PPP1R12B: variants seen among roughly 807,000 people sequenced by gnomAD.
PPP1R12B encodes protein phosphatase 1 regulatory subunit 12B.
A neutral mutation model predicts 126.1 loss-of-function variants in PPP1R12B; 76 were observed. That is an observed-to-expected ratio of 0.60 (90% CI 0.50 to 0.73). The LOEUF is 0.73. Ranked by LOEUF, PPP1R12B falls within the 30% of genes least tolerant of loss-of-function variation. The pLI is 0.00. For synonymous variants in PPP1R12B, 356 were observed against 434.7 expected (o/e 0.82, Z 2.25); for missense variants, 1,052 against 1,205.1 (o/e 0.87, Z 1.88).
intron 13 of PPP1R12B, among the ~76,000 whole-genome samples, chr1:202,450,218 A>G (rs1248161834): frequency 1.3e-5 from 2 of 152,358 alleles, no homozygotes; most frequent in African/African-American, 4.8e-5. Flanking sequence ...TGAGAAGAAT[A>G]CCAGAAAAAG....
intron 1 of PPP1R12B, among the ~76,000 whole-genome samples, chr1:202,367,885 G>A (rs1659517826): frequency 5.9e-5 from 9 of 152,136 alleles, no homozygotes; most frequent in Admixed American, 5.9e-4. Flanking sequence ...CTGGTGGGAA[G>A]TGTGTGGGTC....
intron 1 of PPP1R12B, among the ~76,000 whole-genome samples, chr1:202,357,254 GACAA>G (rs1657282241): frequency 1.3e-5 from 2 of 152,156 alleles, no homozygotes; most frequent in Non-Finnish European, 2.9e-5. Flanking sequence ...GAGAAGAACC[GACAA>G]ACAGTGATAT....
intron 6 of PPP1R12B, 104 bp downstream of exon 6, chr1:202,429,033 A>G (rs1463790695): frequency 8.9e-6 from 8 of 895,760 alleles, no homozygotes; most frequent in Non-Finnish European, 1.3e-5. Flanking sequence ...GTTGAAATGG[A>G]CATATCTGCA....
At chr1:202,552,502 G>T (rs1686429300) in intron 18 of PPP1R12B, among the ~76,000 whole-genome samples, 1 of 152,188 alleles carries the variant, frequency 6.6e-6, no homozygotes, top group Non-Finnish European at 1.5e-5. Context: ...GATTAGGTTT[G>T]CAGTACCTCT....
intron 18 of PPP1R12B, among the ~76,000 whole-genome samples, chr1:202,516,770 T>C (rs1357136534): frequency 6.6e-6 from 1 of 152,212 alleles, no homozygotes; most frequent in Non-Finnish European, 1.5e-5. Flanking sequence ...CTCTCCTTGT[T>C]AAGAATAGAT....
In PPP1R12B at chr1:202,467,294, T is replaced by C. The variant is rs528123855; in HGVS notation, c.1850+18123T>C. On this transcript the variant is annotated intron_variant, in intron 13 of 23. Transcript: ENST00000608999. ...AACGTACAGGTTAGTTACATATGTATACATGTGCCATGTTGGTGTGCTGCA... is the reference window on the plus strand; with the variant it reads ...AACGTACAGGTTAGTTACATATGTACACATGTGCCATGTTGGTGTGCTGCA... Among the ~76,000 whole-genome samples, 150 of 152,000 alleles carry C rather than the reference T, an allele frequency of 9.9e-4. 1 individual carries two copies. The highest frequency in any genetic ancestry group is 1.8e-3 in the Non-Finnish European group (125 of 67,952).
At chr1:202,529,068 A>G (rs1683654933) in intron 18 of PPP1R12B, among the ~76,000 whole-genome samples, 1 of 152,176 alleles carries the variant, frequency 6.6e-6, no homozygotes. Context: ...AGATAAAGGA[A>G]ATGAGAGGGT....
chr1:202,426,055 A>G (rs1669458752), intron 4 of PPP1R12B, among the ~76,000 whole-genome samples: 1 of 152,098 alleles, frequency 6.6e-6, no homozygotes, highest in East Asian at 1.9e-4. Context: ...ACTTGTGATC[A>G]TTTGTTCCGT....
intron 13 of PPP1R12B, among the ~76,000 whole-genome samples, chr1:202,463,551 T>C (rs1558259651): frequency 6.6e-6 from 1 of 152,152 alleles, no homozygotes; most frequent in Non-Finnish European, 1.5e-5. Context: ...CTCATTTACA[T>C]AGGTGAAGGG....
intron 1 of PPP1R12B, among the ~76,000 whole-genome samples, chr1:202,385,001 T>A (rs1202021134): frequency 6.6e-6 from 1 of 152,264 alleles, no homozygotes; most frequent in African/African-American, 2.4e-5. Context: ...AATTCTTTAA[T>A]TGATTATTCT....
chr1:202,480,790 C>T (rs1677247028), intron 13 of PPP1R12B, among the ~76,000 whole-genome samples: 2 of 152,096 alleles, frequency 1.3e-5, no homozygotes, highest in Admixed American at 6.5e-5. Flanking sequence ...TTACAAATGA[C>T]TAATGAAGAT....
intron 18 of PPP1R12B, among the ~76,000 whole-genome samples, chr1:202,532,772 CTG>C (rs1354675051): frequency 1.4e-5 from 2 of 147,912 alleles, no homozygotes; most frequent in Non-Finnish European, 3.0e-5. Flanking sequence ...TGAAAAAACT[CTG>C]TTTTTTTTTT....
chr1:202,500,613 CAG>C (rs1326438310), intron 18 of PPP1R12B, among the ~76,000 whole-genome samples: 1 of 152,062 alleles, frequency 6.6e-6, no homozygotes, highest in Non-Finnish European at 1.5e-5. Context: ...GGTTGGTTAA[CAG>C]ATATAAAATT....
Position 202,348,843 on chromosome 1 carries a change from GC to G in PPP1R12B, c.-7del, listed in dbSNP as rs1655388636. The G allele has an allele frequency of 2.5e-6, 4 of 1,603,654 alleles. No individual in the cohort carries two copies. Among genetic ancestry groups the G allele is most frequent in the Non-Finnish European group, 3.4e-6 (4 of 1,177,144 alleles). On this transcript the variant is annotated 5_prime_UTR_variant, in exon 1 of 24. Coordinates refer to ENST00000608999, the MANE Select transcript of PPP1R12B (RefSeq NM_002481.4). ...GGTAGTTTTGGCAGCAGCTGCCGAG[GC>G]CGGAGCAATGGCGGAACTGGAGCAC... is the stretch of plus-strand genomic sequence containing the variant.
chr1:202,575,110 G>A (rs1187933905), intron 23 of PPP1R12B: 4 of 1,613,844 alleles, frequency 2.5e-6, no homozygotes, highest in South Asian at 1.1e-5. Context: ...GGAGTCCATC[G>A]AGTCCTCGGA....
rs933312808 is a variant in PPP1R12B at position 202,565,362 on chromosome 1, T to G, written c.2757+815T>G. ...GCTGAACTGAAGTAAAAATGATTCTTTAGCAGGAAGGCTTGAAATGAAAAC... is the reference window on the plus strand; with the variant it reads ...GCTGAACTGAAGTAAAAATGATTCTGTAGCAGGAAGGCTTGAAATGAAAAC... On this transcript the variant is annotated intron_variant, in intron 21 of 23. Transcript: ENST00000608999. The surrounding 1 kb of genome is among the most constrained non-coding windows in gnomAD (Gnocchi z 4.3). 2.6e-5 allele frequency among the ~76,000 whole-genome samples: 4 copies of G among 152,220 alleles called. No homozygotes were observed. Among genetic ancestry groups the G allele is most frequent in the African/African-American group, 9.6e-5 (4 of 41,460 alleles).
At chr1:202,473,839 A>G (rs1211868657) in intron 13 of PPP1R12B, 3 of 494,192 alleles carry the variant, frequency 6.1e-6, no homozygotes, top group Non-Finnish European at 1.3e-5. Flanking sequence ...CCAGTTTCCA[A>G]GGGAGACCGG....
At chr1:202,473,431 G>A (rs1185827524) in intron 13 of PPP1R12B, among the ~76,000 whole-genome samples, 1 of 152,200 alleles carries the variant, frequency 6.6e-6, no homozygotes. Flanking sequence ...GCATTTGCTA[G>A]CTGGCTATGC....
intron 18 of PPP1R12B, among the ~76,000 whole-genome samples, chr1:202,514,745 A>G (rs1302764671): frequency 6.6e-6 from 1 of 152,060 alleles, no homozygotes; most frequent in East Asian, 1.9e-4. Context: ...TAGGTGTGCA[A>G]CCTTATTTCA....
Sources: gnomAD v4.1 joint callset for allele counts (sites outside exome capture counted in the v4.1 genomes callset) on GRCh38, gnomAD v4.1.1 for gene constraint, Gnocchi (gnomAD v3.1) non-coding constraint, MANE v1.5 for transcripts, NCBI Gene and HGNC (gene_info 2026-07-23, HGNC 2026-07-21) for gene names.